Variants in SLC39A14 observed in about 807,000 individuals in gnomAD.
The protein encoded by SLC39A14 is metal cation symporter ZIP14.
SLC39A14 carries 19 observed loss-of-function variants against 45.5 expected under a neutral mutation model. The ratio of observed to expected loss-of-function variants is 0.42; its 90% CI spans 0.29 to 0.61. The LOEUF is 0.61. SLC39A14 is among the 20% of genes least tolerant of loss of function. The pLI is 0.22. For missense variants in SLC39A14, 447 were observed against 616.5 expected (o/e 0.73, Z 2.91); for synonymous variants, 264 against 251.3 (o/e 1.05, Z -0.48).
intron 1 of SLC39A14, among the ~76,000 whole-genome samples, chr8:22,377,561 C>T (rs183295403): frequency 1.3e-5 from 2 of 152,262 alleles, no homozygotes; most frequent in African/African-American, 4.8e-5. Context: ...GTACTGATAA[C>T]GCTTATTCTG....
intron 1 of SLC39A14, among the ~76,000 whole-genome samples, chr8:22,394,574 C>T (rs1166304807): frequency 8.6e-5 from 13 of 152,012 alleles, no homozygotes; most frequent in South Asian, 2.1e-4. Flanking sequence ...CCGCCTCGGC[C>T]GCCCAAAGTG....
At chr8:22,391,177 A>G (rs556140236) in intron 1 of SLC39A14, among the ~76,000 whole-genome samples, 1 of 152,164 alleles carries the variant, frequency 6.6e-6, no homozygotes, top group African/African-American at 2.4e-5. Flanking sequence ...GTCTGCCAAA[A>G]TAGCCTAACT....
chr8:22,404,921 G>A lies in SLC39A14; in HGVS notation c.211G>A (p.Val71Met). The A allele has an allele frequency of 6.2e-7, 1 of 1,614,206 alleles. No individual in the cohort carries two copies. ...GAAGGCCCTACTCAACCACCTGGAT[G>A]TGGGAGTGGGCCGGGGTAATGTCAC... ...QLKALLNHLD[V>M]GVGRGNVTQH... is the part of the protein sequence containing the mutation. Residue 71 changes from valine (V) to methionine (M), a missense_variant, in exon 2 of 9, where the codon GTG becomes ATG. By Grantham distance (21) the Val-to-Met change is conservative. Coordinates refer to ENST00000381237, the MANE Select transcript of SLC39A14 (RefSeq NM_001128431.4).
Position 22,421,082 on chromosome 8 carries a change from TATC to T in SLC39A14, c.*1387_*1389del. Reference sequence around the variant, plus strand: ...TTCACTAGGTGAATTGATTTATTATTATCATATTGATAATGTGAGATTCTTTAG... The same window carrying T: ...TTCACTAGGTGAATTGATTTATTATTATATTGATAATGTGAGATTCTTTAG... On this transcript the variant is annotated 3_prime_UTR_variant, in exon 9 of 9. Coordinates refer to ENST00000381237, the MANE Select transcript of SLC39A14 (RefSeq NM_001128431.4). The T allele has an allele frequency of 1.0e-6, 1 of 985,854 alleles. No individual in the cohort carries two copies. The highest frequency in any genetic ancestry group is 1.2e-6 in the Non-Finnish European group (1 of 829,920). 61.1% of individuals were successfully genotyped at this position (985,854 alleles called of 1,614,324 possible).
At position 22,419,811 on chromosome 8, in the gene SLC39A14, GAC is replaced by G. The variant is rs1836125038; in HGVS notation, c.*117_*118del. The G allele has an allele frequency of 2.1e-6, 3 of 1,442,458 alleles. No individual in the cohort carries two copies. The highest frequency in any genetic ancestry group is 2.8e-5 in the African/African-American group (2 of 70,252). The allele number at this position is 1,442,458 out of a possible 1,614,324, so 89.4% of individuals were successfully genotyped here. Reference sequence around the variant, plus strand: ...GGAAGAGGCCGTTCTATGAAAAACTGACACAGACTGTATTCCTGCATTCAAAT... The same window carrying G: ...GGAAGAGGCCGTTCTATGAAAAACTGACAGACTGTATTCCTGCATTCAAAT... On this transcript the variant is annotated 3_prime_UTR_variant, in exon 9 of 9. Transcript: ENST00000381237.
intron 7 of SLC39A14, among the ~76,000 whole-genome samples, chr8:22,416,989 T>G (rs1835924208): frequency 6.6e-6 from 1 of 152,152 alleles, no homozygotes; most frequent in African/African-American, 2.4e-5. Flanking sequence ...TTCCAAAGGC[T>G]CAGGTGCCTG....
intron 1 of SLC39A14, among the ~76,000 whole-genome samples, chr8:22,381,986 C>T (rs1209346313): frequency 6.6e-6 from 1 of 151,906 alleles, no homozygotes; most frequent in Non-Finnish European, 1.5e-5. Flanking sequence ...ATTAAAAATA[C>T]AAAAATTAGC....
chr8:22,421,341 T>G lies in SLC39A14; in HGVS notation c.*1643T>G, dbSNP rs544158580. The G allele has an allele frequency of 2.0e-5, 20 of 985,902 alleles. No homozygotes were observed. The East Asian group carries it at 1.9e-3, about 95-fold the overall frequency. 61.1% of individuals were successfully genotyped at this position (985,902 alleles called of 1,614,324 possible). The stretch of plus-strand genomic sequence containing the variant: ...GACATCTGTCAAACCAGGAATATTC[T>G]TGAAAAGAACGTGAGCAGGAAAAAC... On this transcript the variant is annotated 3_prime_UTR_variant, in exon 9 of 9. Coordinates refer to ENST00000381237, the MANE Select transcript of SLC39A14 (RefSeq NM_001128431.4).
chr8:22,430,619 T>G (rs369212333), intron 8 of SLC39A14, among the ~76,000 whole-genome samples: 1 of 152,138 alleles, frequency 6.6e-6, no homozygotes, highest in Non-Finnish European at 1.5e-5. Context: ...TCTGCAATGA[T>G]GCAAACAACA....
rs1419580624 is a variant in SLC39A14, at chr8:22,404,686, T to C, written c.-15-10T>C. The C allele has an allele frequency of 4.4e-6, 7 of 1,602,076 alleles. No homozygotes were observed. Among genetic ancestry groups the C allele is most frequent in the African/African-American group, 1.4e-5 (1 of 72,736 alleles). ...GAGGCCTCAGCTTCACCTGCCTTTT[T>C]CTCTCACAGGTTTATTCAGTCACCA... On this transcript the variant is annotated splice_polypyrimidine_tract_variant and intron_variant, in intron 1 of 8. Transcript: ENST00000381237.
At chr8:22,418,630 T>C (rs1229675094) in intron 8 of SLC39A14, among the ~76,000 whole-genome samples, 1 of 151,868 alleles carries the variant, frequency 6.6e-6, no homozygotes, top group African/African-American at 2.4e-5. Flanking sequence ...CTCCGGAGCT[T>C]AAGTGATCCT....
chr8:22,416,154 A>T lies in SLC39A14; in HGVS notation c.1021A>T (p.Thr341Ser). 1 of 1,613,818 alleles carries T rather than the reference A, an allele frequency of 6.2e-7. No homozygotes were observed. Among genetic ancestry groups the T allele is most frequent in the Non-Finnish European group, 8.5e-7 (1 of 1,179,960 alleles). The part of the protein sequence containing the change: ...SDIGTLAWMI[T>S]LSDGLHNFID... ...TATCGGCACTCTGGCCTGGATGATC[A>T]CTCTGAGCGACGGCCTCCATAATTT... The change falls in exon 7 of 9, where the codon ACT (threonine) becomes TCT (serine). Residue 341 changes from threonine (T) to serine (S), a missense_variant. Thr to Ser is a moderately conservative substitution (Grantham distance 58). This residue lies in a region of SLC39A14 where 342 missense variants were observed against 428.1 expected (regional missense o/e 0.80). Transcript: ENST00000381237.
intron 8 of SLC39A14, 72 bp downstream of exon 8, chr8:22,417,907 A>G: frequency 1.1e-5 from 14 of 1,319,522 alleles, no homozygotes; most frequent in Non-Finnish European, 1.3e-5. Flanking sequence ...GTTTTTTTTT[A>G]TTTTTATTTT....
intron 1 of SLC39A14, among the ~76,000 whole-genome samples, chr8:22,379,697 G>A (rs1206961984): frequency 1.1e-4 from 16 of 152,244 alleles, no homozygotes; most frequent in African/African-American, 2.9e-4. Flanking sequence ...TTGGGAGGCC[G>A]AGGCGGGTGG....
intron 1 of SLC39A14, among the ~76,000 whole-genome samples, chr8:22,371,426 T>A (rs1243386217): frequency 7.1e-4 from 16 of 22,516 alleles, no homozygotes; most frequent in East Asian, 5.7e-3. Context: ...TTTTTTTTTT[T>A]TTTTTTTTTT....
At chr8:22,404,257 C>A (rs34489445) in intron 1 of SLC39A14, among the ~76,000 whole-genome samples, 4,816 of 152,084 alleles carry the variant, frequency 0.032, 107 homozygotes, top group Non-Finnish European at 0.045. Flanking sequence ...AACCCGATCT[C>A]TACTAAATAT....
At chr8:22,378,332 C>G (rs1833321626) in intron 1 of SLC39A14, among the ~76,000 whole-genome samples, 1 of 152,204 alleles carries the variant, frequency 6.6e-6, no homozygotes, top group Non-Finnish European at 1.5e-5. Context: ...GAAGGCTGAG[C>G]ATTGCATGAC....
At chr8:22,396,708 C>T (rs1167212303) in intron 1 of SLC39A14, among the ~76,000 whole-genome samples, 1 of 140,504 alleles carries the variant, frequency 7.1e-6, no homozygotes, top group Non-Finnish European at 1.6e-5. Context: ...CCAGGTGCAC[C>T]GTTTTTTTTT....
At chr8:22,405,427 C>T (rs978319724) in intron 2 of SLC39A14, among the ~76,000 whole-genome samples, 12 of 152,176 alleles carry the variant, frequency 7.9e-5, no homozygotes, top group African/African-American at 2.7e-4. Flanking sequence ...GCAAGAGAAT[C>T]GCTTGAACCC....
Sources: gnomAD v4.1 joint callset for allele counts (sites outside exome capture counted in the v4.1 genomes callset) on GRCh38, gnomAD v4.1.1 for gene constraint, gnomAD v4.1.1 regional missense constraint, MANE v1.5 for transcripts, NCBI Gene and HGNC (gene_info 2026-07-23, HGNC 2026-07-21) for gene names.